C2orf76: variants seen among roughly 807,000 people sequenced by gnomAD.
C2orf76 encodes the protein UPF0538 protein C2orf76.
C2orf76 carries 23 observed loss-of-function variants against 16.9 expected under a neutral mutation model. The observed-to-expected ratio is 1.36, with a 90% confidence interval of 0.98 to 1.93. The LOEUF (loss-of-function observed/expected upper bound fraction) is 1.93. Among genes scored for constraint, C2orf76 ranks in the 30% most tolerant of loss-of-function variants. The probability of loss-of-function intolerance (pLI) is 0.00; values close to 1 mark genes in which losing one functional copy is unlikely to be tolerated. For missense variants in C2orf76, 152 were observed against 152.6 expected (o/e 1.00, Z 0.02); for synonymous variants, 48 against 52.3 (o/e 0.92, Z 0.35).
Position 119,302,452 on chromosome 2 carries a change from A to T in C2orf76, c.*20T>A. On this transcript the variant is annotated 3_prime_UTR_variant, in exon 6 of 6. Coordinates refer to ENST00000334816, the MANE Select transcript of C2orf76 (RefSeq NM_001322331.2). The stretch of plus-strand genomic sequence containing the variant: ...AAGAGCTTAATACAGGTATGCAAAA[A>T]GGAAGCCCTCGAGATGTTTTCACCA... 9.5e-7 allele frequency: 1 copy of T among 1,054,620 alleles called. No homozygotes were observed. Among genetic ancestry groups the T allele is most frequent in the Non-Finnish European group, 1.4e-6 (1 of 709,780 alleles). 65.3% of individuals were successfully genotyped at this position (1,054,620 alleles called of 1,614,324 possible).
intron 5 of C2orf76, among the ~76,000 whole-genome samples, chr2:119,308,733 C>T (rs1678878625): frequency 6.6e-6 from 1 of 152,222 alleles, no homozygotes; most frequent in African/African-American, 2.4e-5. Flanking sequence ...TACATCAGTG[C>T]TTCACATACA....
At chr2:119,313,714 T>C (rs1573628138) in intron 4 of C2orf76, among the ~76,000 whole-genome samples, 1 of 152,208 alleles carries the variant, frequency 6.6e-6, no homozygotes, top group Non-Finnish European at 1.5e-5. Flanking sequence ...AGCTATCTAG[T>C]TCTCCAGAGA....
chr2:119,287,267 A>G, the C2orf76 span, among the ~76,000 whole-genome samples: 64 of 152,290 alleles, frequency 4.2e-4, no homozygotes, highest in African/African-American at 1.5e-3. Flanking sequence ...AGCTTGCTGG[A>G]CCTTGCTGGA....
chr2:119,293,124 T>G, the C2orf76 span, among the ~76,000 whole-genome samples: 6 of 152,352 alleles, frequency 3.9e-5, no homozygotes, highest in East Asian at 1.2e-3. Flanking sequence ...CCTGCTGGCC[T>G]ATGAAGTGCC....
At chr2:119,288,158 A>AT in the C2orf76 span, among the ~76,000 whole-genome samples, 88,273 of 140,106 alleles carry the variant, frequency 0.63, 28,627 homozygotes, top group African/African-American at 0.78. Flanking sequence ...TTATACTTCA[A>AT]TTTTTTTTTT....
At chr2:119,364,288 A>G (rs1680851133) in intron 1 of C2orf76, among the ~76,000 whole-genome samples, 1 of 152,200 alleles carries the variant, frequency 6.6e-6, no homozygotes, top group Non-Finnish European at 1.5e-5. Flanking sequence ...TACAACAATG[A>G]CAATGGCCTC....
Position 119,317,461 on chromosome 2 carries a change from C to T in C2orf76, c.222+5G>A, listed in dbSNP as rs1679207759. 6.3e-7 allele frequency: 1 copy of T among 1,598,468 alleles called. No individual in the cohort carries two copies. Among genetic ancestry groups the T allele is most frequent in the South Asian group, 1.1e-5 (1 of 88,974 alleles). On this transcript the variant is annotated splice_donor_5th_base_variant and intron_variant, in intron 4 of 5. Coordinates refer to ENST00000334816, the MANE Select transcript of C2orf76 (RefSeq NM_001322331.2). ...TGTGCCAGATACTGTACCTGTGGAACATACCTTTGATTTATGTGCTTGATG... is the reference window on the plus strand; with the variant it reads ...TGTGCCAGATACTGTACCTGTGGAATATACCTTTGATTTATGTGCTTGATG...
intron 1 of C2orf76, among the ~76,000 whole-genome samples, chr2:119,347,366 A>C (rs1680238267): frequency 2.0e-5 from 3 of 152,260 alleles, no homozygotes; most frequent in Admixed American, 1.3e-4. Flanking sequence ...GCTAATCTCA[A>C]CGGATGCAAC....
chr2:119,305,358 T>C (rs1015329150), intron 5 of C2orf76, among the ~76,000 whole-genome samples: 1 of 152,026 alleles, frequency 6.6e-6, no homozygotes, highest in African/African-American at 2.4e-5. Context: ...TGAAAGAATA[T>C]AAGAACAATC....
chr2:119,325,672 T>C (rs1460973040), intron 2 of C2orf76, among the ~76,000 whole-genome samples: 4 of 152,132 alleles, frequency 2.6e-5, no homozygotes, highest in Non-Finnish European at 5.9e-5. Context: ...CCTTTTAATA[T>C]TCCCACTAGT....
intron 1 of C2orf76, among the ~76,000 whole-genome samples, chr2:119,362,506 G>A (rs760738509): frequency 1.3e-5 from 2 of 152,168 alleles, no homozygotes; most frequent in Non-Finnish European, 2.9e-5. Context: ...GAGCTAAATA[G>A]GCAAAGATGT....
At chr2:119,317,570 T>C (rs1679212106) in intron 3 of C2orf76, 67 bp from the exon 4 acceptor site, 3 of 1,339,088 alleles carry the variant, frequency 2.2e-6, no homozygotes, top group South Asian at 2.5e-5. Flanking sequence ...ATTATTAAAA[T>C]GGGTGGAGGG....
chr2:119,285,202 A>G, the C2orf76 span, among the ~76,000 whole-genome samples: 2 of 152,264 alleles, frequency 1.3e-5, no homozygotes, highest in African/African-American at 2.4e-5. Flanking sequence ...TCTACTGTGC[A>G]TAAAACCATT....
chr2:119,310,547 T>C (rs6753601), intron 5 of C2orf76, among the ~76,000 whole-genome samples: 45,322 of 151,892 alleles, frequency 0.3, 8,479 homozygotes, highest in African/African-American at 0.53. Context: ...AAATAATACT[T>C]GTCAAAAAAA....
the C2orf76 span, among the ~76,000 whole-genome samples, chr2:119,293,703 C>T: frequency 2.0e-5 from 3 of 152,320 alleles, no homozygotes; most frequent in South Asian, 6.2e-4. Context: ...TGAGAGGCGC[C>T]TGGGCCCTGG....
chr2:119,301,359 T>G (rs545714067), downstream of C2orf76, among the ~76,000 whole-genome samples: 8 of 152,200 alleles, frequency 5.3e-5, no homozygotes, highest in Non-Finnish European at 1.0e-4. Flanking sequence ...CTTCTAATCA[T>G]GTTAATCAGA....
intron 5 of C2orf76, among the ~76,000 whole-genome samples, chr2:119,305,942 C>CAAAA (rs61325292): frequency 8.4e-6 from 1 of 119,650 alleles, no homozygotes; most frequent in Non-Finnish European, 1.8e-5. Flanking sequence ...AAAACAACAA[C>CAAAA]AAAAAAAAAA....
chr2:119,293,039 C>T, the C2orf76 span, among the ~76,000 whole-genome samples: 1 of 152,054 alleles, frequency 6.6e-6, no homozygotes, highest in South Asian at 2.1e-4. Context: ...TGTCTCAAAA[C>T]AAAACAAAAC....
intron 2 of C2orf76, 55 bp downstream of exon 2, chr2:119,339,772 A>C (rs1231730007): frequency 6.8e-7 from 1 of 1,475,948 alleles, no homozygotes; most frequent in Non-Finnish European, 9.4e-7. Context: ...TTAATGTCAT[A>C]GTCAGCTATT....
Sources: allele counts gnomAD v4.1 joint callset (sites outside exome capture counted in the v4.1 genomes callset), GRCh38; gene constraint gnomAD v4.1.1; transcripts MANE v1.5; gene names NCBI Gene and HGNC (gene_info 2026-07-23, HGNC 2026-07-21).